KLHL1: variants seen among roughly 807,000 people sequenced by gnomAD.
KLHL1 encodes kelch like family member 1, also known as kelch-like protein 1.
Under a neutral mutation model 77.7 loss-of-function variants are expected in KLHL1, and 47 were observed. That is an observed-to-expected ratio of 0.60 (90% CI 0.48 to 0.77). The LOEUF is 0.77. Ranked by LOEUF, KLHL1 falls within the 30% of genes least tolerant of loss-of-function variation. The pLI, the probability that KLHL1 is intolerant of heterozygous loss-of-function variation, is 0.00. For synonymous variants in KLHL1, 360 were observed against 325.2 expected, an observed-to-expected ratio of 1.11 and a Z score of -1.15; for missense variants, 925 against 910.8, an observed-to-expected ratio of 1.02 and a Z score of -0.20.
intron 7 of KLHL1, among the ~76,000 whole-genome samples, chr13:69,790,668 C>A (rs947215040): frequency 2.0e-5 from 3 of 151,762 alleles, no homozygotes; most frequent in African/African-American, 7.3e-5. Context: ...TTAATATACT[C>A]TACTAATTAA....
intron 1 of KLHL1, among the ~76,000 whole-genome samples, chr13:70,041,685 A>T (rs1362706198): frequency 6.6e-6 from 1 of 152,046 alleles, no homozygotes; most frequent in Non-Finnish European, 1.5e-5. Context: ...CACTAGTGCC[A>T]CTTTGACACT....
intron 5 of KLHL1, among the ~76,000 whole-genome samples, chr13:69,869,408 T>C (rs766210413): frequency 5.3e-5 from 8 of 152,168 alleles, no homozygotes; most frequent in Non-Finnish European, 8.8e-5. Flanking sequence ...ACAAGATTAT[T>C]TCTAAGATAC....
intron 3 of KLHL1, among the ~76,000 whole-genome samples, chr13:69,949,748 T>A (rs1016600945): frequency 1.3e-5 from 2 of 150,956 alleles, no homozygotes; most frequent in African/African-American, 2.4e-5. Context: ...TTTCACAGGA[T>A]TTTTTGAATA....
chr13:69,811,306 A>G lies in KLHL1; in HGVS notation c.1415-14344T>C, dbSNP rs115763435. Among the ~76,000 whole-genome samples the G allele has an allele frequency of 7.5e-3, 1,147 of 152,246 alleles. 19 individuals are homozygous for G. The highest frequency in any genetic ancestry group is 0.026 in the African/African-American group (1,096 of 41,572). On this transcript the variant is annotated intron_variant, in intron 6 of 10. Coordinates refer to ENST00000377844, the MANE Select transcript of KLHL1 (RefSeq NM_020866.3). ...ATTAAGTAGGTTTTATTGCTGGGAT[A>G]CAAGGATAATTTAACACATGCTTAT...
chr13:69,855,266 T>C (rs1327887646), intron 5 of KLHL1, among the ~76,000 whole-genome samples: 3 of 151,638 alleles, frequency 2.0e-5, no homozygotes, highest in Non-Finnish European at 4.4e-5. Flanking sequence ...CTGGACTAAG[T>C]ATTTTATCAC....
At chr13:70,007,192 T>A (rs927310098) in intron 1 of KLHL1, among the ~76,000 whole-genome samples, 1 of 152,052 alleles carries the variant, frequency 6.6e-6, no homozygotes, top group Non-Finnish European at 1.5e-5. Context: ...AAAGTTTATT[T>A]GGAATGTGTC....
rs147234121 is a variant in KLHL1 at position 69,983,681 on chromosome 13, C to G, written c.498-7879G>C. Among the ~76,000 whole-genome samples the G allele has an allele frequency of 3.4e-3, 508 of 151,222 alleles. 3 individuals carry two copies. Among genetic ancestry groups the G allele is most frequent in the African/African-American group, 0.012 (480 of 41,060 alleles). Reference sequence around the variant, plus strand: ...ACTCAGGAGGCTATGACAGGAGGGTCGCTTGAGCCCAGGAGTTAAGAGTCG... The same window carrying G: ...ACTCAGGAGGCTATGACAGGAGGGTGGCTTGAGCCCAGGAGTTAAGAGTCG... On this transcript the variant is annotated intron_variant, in intron 1 of 10. Transcript: ENST00000377844.
At chr13:69,858,488 AAT>A (rs200298420) in intron 5 of KLHL1, among the ~76,000 whole-genome samples, 1,819 of 152,240 alleles carry the variant, frequency 0.012, 17 homozygotes, top group South Asian at 0.031. Context: ...TCCTTGTAAA[AAT>A]ATGAGTTAAA....
chr13:69,724,266 T>C (rs745740344), intron 8 of KLHL1, among the ~76,000 whole-genome samples: 48 of 152,072 alleles, frequency 3.2e-4, no homozygotes, highest in Non-Finnish European at 2.2e-4. Context: ...CTCCATAAAA[T>C]GTATAAAGCA....
chr13:70,099,695 T>C (rs2137452781), intron 1 of KLHL1, among the ~76,000 whole-genome samples: 1 of 152,150 alleles, frequency 6.6e-6, no homozygotes, highest in East Asian at 1.9e-4. Context: ...AAGCTTTTTG[T>C]CCCATAATAA....
chr13:69,725,752 T>C (rs1326117077), intron 8 of KLHL1, among the ~76,000 whole-genome samples: 7 of 152,162 alleles, frequency 4.6e-5, no homozygotes, highest in Non-Finnish European at 1.0e-4. Context: ...AGTGAAATCC[T>C]GTTCACTGTC....
chr13:69,722,905 T>C (rs1873131229), intron 8 of KLHL1, among the ~76,000 whole-genome samples: 1 of 151,854 alleles, frequency 6.6e-6, no homozygotes, highest in East Asian at 1.9e-4. Flanking sequence ...ATAGCCAAAA[T>C]ACGGAATCAA....
In KLHL1 at chr13:69,846,227, G is replaced by A. The variant is rs1047651720; in HGVS notation, c.1228-7065C>T. Among the ~76,000 whole-genome samples the A allele has an allele frequency of 1.3e-4, 19 of 151,570 alleles. No homozygotes were observed. The East Asian group carries it at 1.6e-3, about 12-fold the overall frequency. On this transcript the variant is annotated intron_variant, in intron 5 of 10. Coordinates refer to ENST00000377844, the MANE Select transcript of KLHL1 (RefSeq NM_020866.3). The stretch of plus-strand genomic sequence containing the variant: ...TTTTCCACAGGCAATATGTTCTTTC[G>A]TTAACAACTCTGTCAGCTAGGTGGT...
At chr13:69,911,124 TTC>T (rs1226430651) in intron 4 of KLHL1, among the ~76,000 whole-genome samples, 1 of 152,062 alleles carries the variant, frequency 6.6e-6, no homozygotes, top group Non-Finnish European at 1.5e-5. Context: ...TCTCTCTCTC[TTC>T]TGTCTCCCTC....
intron 1 of KLHL1, among the ~76,000 whole-genome samples, chr13:70,026,230 TTCA>T (rs1436331062): frequency 1.6e-4 from 24 of 152,264 alleles, no homozygotes; most frequent in African/African-American, 5.8e-4. Flanking sequence ...TCACTATTGC[TTCA>T]TCATGTTATA....
chr13:69,883,308 C>T (rs1881070541), intron 4 of KLHL1, among the ~76,000 whole-genome samples: 2 of 152,118 alleles, frequency 1.3e-5, no homozygotes, highest in Non-Finnish European at 1.5e-5. Context: ...TTCCTGTTCT[C>T]TTTGTTTTTC....
chr13:70,046,989 A>G (rs1373619470), intron 1 of KLHL1, among the ~76,000 whole-genome samples: 2 of 152,278 alleles, frequency 1.3e-5, no homozygotes, highest in East Asian at 3.9e-4. Flanking sequence ...GCAAATACTT[A>G]TCTTGTACTA....
At chr13:69,897,874 T>C (rs894631998) in intron 4 of KLHL1, among the ~76,000 whole-genome samples, 1 of 152,224 alleles carries the variant, frequency 6.6e-6, no homozygotes. Flanking sequence ...TTTAGATTTA[T>C]TGATTTATCT....
intron 1 of KLHL1, among the ~76,000 whole-genome samples, chr13:70,092,656 GTAAT>G (rs1278705349): frequency 4.6e-5 from 7 of 152,056 alleles, no homozygotes; most frequent in Non-Finnish European, 8.8e-5. Context: ...ATTCATACCT[GTAAT>G]TAGTTTTATG....
Sources: gnomAD v4.1 joint callset for allele counts (sites outside exome capture counted in the v4.1 genomes callset) on GRCh38, gnomAD v4.1.1 for gene constraint, MANE v1.5 for transcripts, NCBI Gene and HGNC (gene_info 2026-07-23, HGNC 2026-07-21) for gene names.